Variants in TRIO observed in about 807,000 individuals in gnomAD.
The protein encoded by TRIO is triple functional domain protein.
Under a neutral mutation model 351.9 loss-of-function variants are expected in TRIO, and 58 were observed. That is an observed-to-expected ratio of 0.16 (90% CI 0.13 to 0.21). The LOEUF (loss-of-function observed/expected upper bound fraction) is 0.21. Among genes scored for constraint, TRIO ranks in the 10% least tolerant of loss-of-function variants. TRIO has a pLI of 1.00. For synonymous variants in TRIO, 1,758 were observed against 1,595.7 expected (o/e 1.10, Z -2.42); for missense variants, 3,201 against 4,027.8 (o/e 0.79, Z 5.56).
chr5:14,376,787 A>G (rs1456909742), intron 19 of TRIO, among the ~76,000 whole-genome samples: 3 of 152,188 alleles, frequency 2.0e-5, no homozygotes, highest in South Asian at 2.1e-4. Context: ...AAAGGAATGC[A>G]TGCACCTTTT....
rs998692713 is a variant in TRIO, at chr5:14,286,482, G to A, written c.348-389G>A. Among the ~76,000 whole-genome samples the A allele has an allele frequency of 1.3e-5, 2 of 152,118 alleles. No individual in the cohort carries two copies. Among genetic ancestry groups the A allele is most frequent in the Non-Finnish European group, 2.9e-5 (2 of 68,026 alleles). ...CTGGGTTTTGTTGCAGGCTGTCAGG[G>A]TTTTGTACTCACCCGATGCTCCCTG... On this transcript the variant is annotated intron_variant, in intron 3 of 56. Transcript: ENST00000344204. The surrounding 1 kb of genome is among the most constrained non-coding windows in gnomAD (Gnocchi z 4.4).
intron 27 of TRIO, among the ~76,000 whole-genome samples, chr5:14,392,943 A>C: frequency 6.6e-6 from 1 of 151,818 alleles, no homozygotes; most frequent in Non-Finnish European, 1.5e-5. Context: ...GCTACTTGGG[A>C]GGCTGAGGCA....
rs749785358 is a variant in TRIO, at chr5:14,487,504, G to GGGCGGC, written c.6889_6894dup (p.Gly2297_Gly2298dup). The GGGCGGC allele has an allele frequency of 3.1e-4, 341 of 1,083,306 alleles. No homozygotes were observed. The highest frequency in any genetic ancestry group is 7.4e-4 in the East Asian group (11 of 14,824). 67.1% of individuals were successfully genotyped at this position (1,083,306 alleles called of 1,614,324 possible). A position where few individuals can be genotyped will look rare whatever the true frequency, so the allele number is the denominator to read the frequency against. ...TCGAGTACCAGAGGAACCACAGCGG[G>GGGCGGC]GGCGGCGGCGGCGGCGGCAGCGGGG... On this transcript the variant is annotated inframe_insertion, in exon 48 of 57. Transcript: ENST00000344204.
At position 14,508,251 on chromosome 5, in the gene TRIO, T is replaced by A. The variant is rs774206440; in HGVS notation, c.9123T>A (p.Ala3041=). Residue 3041 remains alanine (A), a synonymous_variant, in exon 57 of 57, where the codon GCT becomes GCA. Transcript: ENST00000344204. ...AGGACCCCGCCAAGCGTCCCTCGGCTGCGCTGGCCCTCCAGGAGCAGTGGC... is the reference window on the plus strand; with the variant it reads ...AGGACCCCGCCAAGCGTCCCTCGGCAGCGCTGGCCCTCCAGGAGCAGTGGC... ...LQEDPAKRPS[A]ALALQEQWLQ... is the part of the protein sequence containing the mutation. 1 of 1,614,074 alleles carries A rather than the reference T, an allele frequency of 6.2e-7. No homozygotes were observed. The highest frequency in any genetic ancestry group is 2.2e-5 in the East Asian group (1 of 44,886).
chr5:14,207,541 C>T (rs1423577369), intron 1 of TRIO, among the ~76,000 whole-genome samples: 1 of 150,040 alleles, frequency 6.7e-6, no homozygotes, highest in African/African-American at 2.5e-5. Context: ...CACACACACA[C>T]ACACACACAC....
chr5:14,428,071 T>C (rs1750796643), intron 34 of TRIO, among the ~76,000 whole-genome samples: 1 of 152,200 alleles, frequency 6.6e-6, no homozygotes, highest in African/African-American at 2.4e-5. Context: ...ACCCCAAATG[T>C]GGTCTTTCCC....
chr5:14,465,952 G>A, intron 37 of TRIO: 2 of 332,218 alleles, frequency 6.0e-6, no homozygotes, highest in South Asian at 7.3e-5. Context: ...CTCTCCCAGT[G>A]GAGTCAGGCA....
At chr5:14,430,038 C>T (rs137938297) in intron 34 of TRIO, among the ~76,000 whole-genome samples, 8 of 152,130 alleles carry the variant, frequency 5.3e-5, no homozygotes, top group African/African-American at 1.2e-4. Flanking sequence ...ATATATACAG[C>T]GCTGCGGGAG....
At chr5:14,382,268 A>G (rs1746171496) in intron 21 of TRIO, among the ~76,000 whole-genome samples, 1 of 152,214 alleles carries the variant, frequency 6.6e-6, no homozygotes, top group Non-Finnish European at 1.5e-5. Flanking sequence ...TTTTTCAATC[A>G]TGTAGAGAGA....
rs981838002 is a variant in TRIO at position 14,253,528 on chromosome 5, A to G, written c.158-17297A>G. On this transcript the variant is annotated intron_variant, in intron 1 of 56. Transcript: ENST00000344204. ...CTGATTTCTTTTTTTTTGTGGAGAC[A>G]GGGTTTCGCCATGCTGCCCAGGCTG... Among the ~76,000 whole-genome samples the G allele has an allele frequency of 3.3e-5, 5 of 151,946 alleles. No homozygotes were observed. The East Asian group carries it at 7.7e-4, about 23-fold the overall frequency.
chr5:14,194,037 C>T lies in TRIO; in HGVS notation c.157+50155C>T, dbSNP rs756797203. ...CCATCAGCAGTTGTCGTGGCCTGTC[C>T]AAACCCTCCATGCAGTGAGTCTTCT... On this transcript the variant is annotated intron_variant, in intron 1 of 56. Coordinates refer to ENST00000344204, the MANE Select transcript of TRIO (RefSeq NM_007118.4). Among the ~76,000 whole-genome samples, 76 of 152,164 alleles carry T rather than the reference C, an allele frequency of 5.0e-4. 1 individual carries two copies. Among genetic ancestry groups the T allele is most frequent in the Admixed American group, 9.8e-4 (15 of 15,278 alleles).
At chr5:14,168,637 C>CT (rs977339314) in intron 1 of TRIO, among the ~76,000 whole-genome samples, 5 of 152,200 alleles carry the variant, frequency 3.3e-5, no homozygotes, top group Admixed American at 6.5e-5. Flanking sequence ...TCTTCTGATT[C>CT]TGAGTTCCGC....
At chr5:14,211,010 C>T (rs1791856619) in intron 1 of TRIO, among the ~76,000 whole-genome samples, 2 of 152,232 alleles carry the variant, frequency 1.3e-5, no homozygotes, top group South Asian at 4.2e-4. Flanking sequence ...AGGTCTATTT[C>T]CTTGACATTT....
At chr5:14,332,831 A>G (rs528062299) in intron 10 of TRIO, among the ~76,000 whole-genome samples, 2 of 152,312 alleles carry the variant, frequency 1.3e-5, no homozygotes, top group South Asian at 2.1e-4. Context: ...TGTGATGAGA[A>G]TACATGTAGA....
intron 33 of TRIO, among the ~76,000 whole-genome samples, chr5:14,415,427 C>G (rs1415208940): frequency 1.3e-5 from 2 of 152,124 alleles, no homozygotes; most frequent in Non-Finnish European, 2.9e-5. Flanking sequence ...TGTTCTTGAG[C>G]CATACATGCC....
intron 1 of TRIO, among the ~76,000 whole-genome samples, chr5:14,210,870 C>G (rs1791846307): frequency 6.6e-6 from 1 of 152,032 alleles, no homozygotes; most frequent in Non-Finnish European, 1.5e-5. Context: ...TCCATCCGTC[C>G]TTATCTTGTC....
chr5:14,331,615 G>A (rs567018241), intron 10 of TRIO, among the ~76,000 whole-genome samples: 1 of 152,298 alleles, frequency 6.6e-6, no homozygotes, highest in South Asian at 2.1e-4. Context: ...CGAACCTCAT[G>A]TTTAGGTGGT....
In TRIO at chr5:14,316,673, T is replaced by C; in HGVS notation, c.1661T>C (p.Ile554Thr). The change falls in exon 9 of 57, where the codon ATC becomes ACC. Residue 554 changes from isoleucine to threonine, a missense_variant. Coordinates refer to ENST00000344204, the MANE Select transcript of TRIO (RefSeq NM_007118.4). ...VLHHQRQLEN[I>T]WQHRKVRLHQ... ...CACCACCAGCGGCAGCTGGAGAACA[T>C]CTGGCAACACCGCAAGGTCCGGCTG... 4 of 1,614,170 alleles carry C rather than the reference T, an allele frequency of 2.5e-6. No individual in the cohort carries two copies. Among genetic ancestry groups the C allele is most frequent in the Non-Finnish European group, 3.4e-6 (4 of 1,180,034 alleles).
At chr5:14,258,127 A>G (rs2152256148) in intron 1 of TRIO, among the ~76,000 whole-genome samples, 1 of 152,366 alleles carries the variant, frequency 6.6e-6, no homozygotes, top group African/African-American at 2.4e-5. Context: ...TTGTGGCACC[A>G]TTGTGGTTTG....
Sources: allele counts gnomAD v4.1 joint callset (sites outside exome capture counted in the v4.1 genomes callset), GRCh38; gene constraint gnomAD v4.1.1; non-coding constraint Gnocchi (gnomAD v3.1); transcripts MANE v1.5; gene names NCBI Gene and HGNC (gene_info 2026-07-23, HGNC 2026-07-21).